ZNF416: variants seen among roughly 807,000 people sequenced by gnomAD.
ZNF416 encodes the protein zinc finger protein 416.
A neutral mutation model predicts 10.9 loss-of-function variants in ZNF416; 5 were observed. The ratio of observed to expected loss-of-function variants is 0.46; its 90% CI spans 0.24 to 0.97. The LOEUF is 0.97. ZNF416 is among the 50% of genes least tolerant of loss of function. ZNF416 has a pLI of 0.19. For missense variants in ZNF416, 675 were observed against 715.0 expected (o/e 0.94, Z 0.64); for synonymous variants, 267 against 251.8 (o/e 1.06, Z -0.57).
chr19:57,572,559 G>A lies in ZNF416; in HGVS notation c.1345C>T (p.Gln449Ter), dbSNP rs886466976. ...ECDECGKSFSQRTTLNKHHKV... is the reference protein window; with the variant it reads ...ECDECGKSFS ...TGGTGTTTATTGAGGGTGGTTCTTT[G>A]GCTAAAGGATTTTCCGCACTCATCA... The change falls in exon 4 of 4, where the codon CAA becomes TAA. Residue 449 changes from glutamine to a stop codon, truncating the protein, a stop_gained. Transcript: ENST00000196489. LOFTEE classifies it low-confidence loss of function (END_TRUNC). The surrounding 1 kb of genome is among the most constrained non-coding windows in gnomAD (Gnocchi z 4.5). The A allele has an allele frequency of 3.1e-6, 5 of 1,614,042 alleles. No individual in the cohort carries two copies. In the Admixed American group the frequency reaches 8.3e-5, roughly 27 times the overall value.
In ZNF416 at chr19:57,572,376, C is replaced by T. The variant is rs764468301; in HGVS notation, c.1528G>A (p.Val510Ile). 32 of 1,614,050 alleles carry T rather than the reference C, an allele frequency of 2.0e-5. No homozygotes were observed. In the African/African-American group the frequency reaches 2.3e-4, roughly 11 times the overall value. ...GKFFRQSYTL[V>I]EHQKIHTGLR... is the part of the protein sequence containing the mutation. ...CCAGTGTGAATTTTCTGGTGTTCAA[C>T]GAGGGTATAGCTTTGTCTAAAAAAT... Residue 510 changes from valine (V) to isoleucine (I), a missense_variant, in exon 4 of 4, where the codon GTT becomes ATT. Coordinates refer to ENST00000196489, the MANE Select transcript of ZNF416 (RefSeq NM_017879.3). The surrounding 1 kb of genome is among the most constrained non-coding windows in gnomAD (Gnocchi z 4.5).
In ZNF416 at chr19:57,572,549, G is replaced by T. The variant is rs755318810; in HGVS notation, c.1355C>A (p.Thr452Asn). 3.6e-5 allele frequency: 58 copies of T among 1,613,692 alleles called. 1 individual carries two copies. The highest frequency in any genetic ancestry group is 4.5e-5 in the Non-Finnish European group (53 of 1,179,984). The change falls in exon 4 of 4, where the codon ACC (threonine) becomes AAC (asparagine). Residue 452 changes from threonine (T) to asparagine (N), a missense_variant. Physicochemically the swap from Thr to Asn is moderately conservative, Grantham distance 65. Coordinates refer to ENST00000196489, the MANE Select transcript of ZNF416 (RefSeq NM_017879.3). This position sits in a 1 kb window ranked among gnomAD's most constrained non-coding sequence, Gnocchi z 4.5. ...GTGAACTTTGTGGTGTTTATTGAGG[G>T]TGGTTCTTTGGCTAAAGGATTTTCC... ...ECGKSFSQRT[T>N]LNKHHKVHTA...
chr19:57,571,961 C>T lies in ZNF416; in HGVS notation c.*158G>A. 1 of 884,944 alleles carries T rather than the reference C, an allele frequency of 1.1e-6. No homozygotes were observed. The allele number at this position is 884,944 out of a possible 1,614,324, so 54.8% of individuals were successfully genotyped here. ...TCCTGCAAGACACATATGCCTGGAA[C>T]TAATGGGAGTCTGACCCATCGGGAG... is the stretch of plus-strand genomic sequence containing the variant. On this transcript the variant is annotated 3_prime_UTR_variant, in exon 4 of 4. Coordinates refer to ENST00000196489, the MANE Select transcript of ZNF416 (RefSeq NM_017879.3).
In ZNF416 at chr19:57,573,086, C is replaced by T. The variant is rs1051953083; in HGVS notation, c.818G>A (p.Ser273Asn). The part of the protein sequence containing the change: ...VHPGERPYEC[S>N]ECGKSFSQTS... ...TTGGCTAAAAGATTTCCCACATTCACTGCACTCATAAGGCCTTTCTCCAGG... is the reference window on the plus strand; with the variant it reads ...TTGGCTAAAAGATTTCCCACATTCATTGCACTCATAAGGCCTTTCTCCAGG... The change falls in exon 4 of 4, where the codon AGT becomes AAT. Residue 273 changes from serine (S) to asparagine (N), a missense_variant. Coordinates refer to ENST00000196489, the MANE Select transcript of ZNF416 (RefSeq NM_017879.3). 1.9e-6 allele frequency: 3 copies of T among 1,614,178 alleles called. No homozygotes were observed. The highest frequency in any genetic ancestry group is 1.7e-6 in the Non-Finnish European group (2 of 1,180,024).
At chr19:57,574,651 C>A (rs999270022) in intron 3 of ZNF416, among the ~76,000 whole-genome samples, 18 of 152,148 alleles carry the variant, frequency 1.2e-4, no homozygotes, top group Admixed American at 4.6e-4. Context: ...GGCTGCTTGG[C>A]AGTAGTGGGC....
In ZNF416 at chr19:57,575,713, G is replaced by A. The variant is rs1414292812; in HGVS notation, c.202+91C>T. ...GCACATACGCCAAGACAGTGGGGAA[G>A]TCAGCAAAGCCCACGGTCCGGCAGA... On this transcript the variant is annotated intron_variant, in intron 3 of 3. Coordinates refer to ENST00000196489, the MANE Select transcript of ZNF416 (RefSeq NM_017879.3). This position sits in a 1 kb window ranked among gnomAD's most constrained non-coding sequence, Gnocchi z 4.4. The A allele has an allele frequency of 6.4e-7, 1 of 1,560,174 alleles. No homozygotes were observed. The highest frequency in any genetic ancestry group is 8.8e-7 in the Non-Finnish European group (1 of 1,132,002).
intron 1 of ZNF416, chr19:57,578,414 A>G (rs1002610026): frequency 1.5e-5 from 8 of 526,728 alleles, no homozygotes; most frequent in Non-Finnish European, 2.3e-5. Context: ...CTTGAAAAGA[A>G]AGAGCCTCAT....
At chr19:57,574,918 C>A (rs1209896315) in intron 3 of ZNF416, among the ~76,000 whole-genome samples, 1 of 152,164 alleles carries the variant, frequency 6.6e-6, no homozygotes, top group African/African-American at 2.4e-5. Flanking sequence ...GCACAACTCA[C>A]AACATATCGT....
In ZNF416 at chr19:57,575,709, G is replaced by A; in HGVS notation, c.202+95C>T. Reference sequence around the variant, plus strand: ...CACAGCACATACGCCAAGACAGTGGGGAAGTCAGCAAAGCCCACGGTCCGG... The same window carrying A: ...CACAGCACATACGCCAAGACAGTGGAGAAGTCAGCAAAGCCCACGGTCCGG... On this transcript the variant is annotated intron_variant, in intron 3 of 3. Coordinates refer to ENST00000196489, the MANE Select transcript of ZNF416 (RefSeq NM_017879.3). The surrounding 1 kb of genome is among the most constrained non-coding windows in gnomAD (Gnocchi z 4.4). The A allele has an allele frequency of 2.0e-6, 3 of 1,525,918 alleles. No homozygotes were observed. The highest frequency in any genetic ancestry group is 2.7e-6 in the Non-Finnish European group (3 of 1,101,002). 94.5% of individuals were successfully genotyped at this position (1,525,918 alleles called of 1,614,324 possible). A position where few individuals can be genotyped will look rare whatever the true frequency, so the allele number is the denominator to read the frequency against.
In ZNF416 at chr19:57,572,711, A is replaced by C; in HGVS notation, c.1193T>G (p.Val398Gly). The C allele has an allele frequency of 6.2e-7, 1 of 1,613,878 alleles. No homozygotes were observed. The change falls in exon 4 of 4, where the codon GTT (valine) becomes GGT (glycine). Residue 398 changes from valine to glycine, a missense_variant. Coordinates refer to ENST00000196489, the MANE Select transcript of ZNF416 (RefSeq NM_017879.3). This position sits in a 1 kb window ranked among gnomAD's most constrained non-coding sequence, Gnocchi z 4.5. ...TGTAGTGTGAATTCTCTGGTGTACA[A>C]CAAGGCTGAAGCTTTGTCTGAATAA... Reference protein sequence around the residue: ...GKLFRQSFSLVVHQRIHTTAR... With the variant: ...GKLFRQSFSLGVHQRIHTTAR...
rs909124514 is a variant in ZNF416, at chr19:57,572,949, C to G, written c.955G>C (p.Val319Leu). Residue 319 changes from valine (V) to leucine (L), a missense_variant, in exon 4 of 4, where the codon GTT becomes CTT. Val to Leu is a conservative substitution (Grantham distance 32). Coordinates refer to ENST00000196489, the MANE Select transcript of ZNF416 (RefSeq NM_017879.3). The surrounding 1 kb of genome is among the most constrained non-coding windows in gnomAD (Gnocchi z 4.5). The part of the protein sequence containing the change: ...QRATLIKHHR[V>L]HTGERPYECG... ...TCGTAAGGCCTTTCTCCAGTGTGAA[C>G]TCTGTGATGTTTAATGAGGGTGGCT... 3.1e-6 allele frequency: 5 copies of G among 1,613,646 alleles called. No individual in the cohort carries two copies. The African/African-American group carries it at 6.7e-5, about 22-fold the overall frequency.
rs113033101 is a variant in ZNF416 at position 57,578,765 on chromosome 19, G to C, written c.-61C>G. On this transcript the variant is annotated 5_prime_UTR_variant, in exon 1 of 4. Coordinates refer to ENST00000196489, the MANE Select transcript of ZNF416 (RefSeq NM_017879.3). ...CGACCCGGGGCGGGAACCCAGGCAC[G>C]GCTGCCACCAGCGCCAGCGACCCAC... 2.9e-5 allele frequency: 40 copies of C among 1,391,130 alleles called. No individual in the cohort carries two copies. Among genetic ancestry groups the C allele is most frequent in the Non-Finnish European group, 3.7e-5 (39 of 1,063,138 alleles). 86.2% of individuals were successfully genotyped at this position (1,391,130 alleles called of 1,614,324 possible). A position where few individuals can be genotyped will look rare whatever the true frequency, so the allele number is the denominator to read the frequency against.
rs758505218 is a variant in ZNF416, at chr19:57,572,709, C to A, written c.1195G>T (p.Val399Leu). The A allele has an allele frequency of 1.9e-6, 3 of 1,613,878 alleles. No homozygotes were observed. The highest frequency in any genetic ancestry group is 2.2e-5 in the East Asian group (1 of 44,870). The change falls in exon 4 of 4, where the codon GTA becomes TTA. Residue 399 changes from valine (V) to leucine (L), a missense_variant. Physicochemically the swap from Val to Leu is conservative, Grantham distance 32. Coordinates refer to ENST00000196489, the MANE Select transcript of ZNF416 (RefSeq NM_017879.3). This position sits in a 1 kb window ranked among gnomAD's most constrained non-coding sequence, Gnocchi z 4.5. The part of the protein sequence containing the change: ...KLFRQSFSLV[V>L]HQRIHTTARP... ...GCTGTAGTGTGAATTCTCTGGTGTA[C>A]AACAAGGCTGAAGCTTTGTCTGAAT...
Position 57,571,977 on chromosome 19 carries a change from C to A in ZNF416, c.*142G>T. The A allele has an allele frequency of 9.4e-7, 1 of 1,064,916 alleles. No individual in the cohort carries two copies. The highest frequency in any genetic ancestry group is 2.3e-5 in the Admixed American group (1 of 42,988). The allele number at this position is 1,064,916 out of a possible 1,614,324, so 66.0% of individuals were successfully genotyped here. ...TGCCTGGAACTAATGGGAGTCTGAC[C>A]CATCGGGAGGTCTAGAAGTATGAGG... On this transcript the variant is annotated 3_prime_UTR_variant, in exon 4 of 4. Coordinates refer to ENST00000196489, the MANE Select transcript of ZNF416 (RefSeq NM_017879.3).
chr19:57,578,225 C>A, intron 1 of ZNF416, 127 bp from the exon 2 acceptor site: 1 of 910,580 alleles, frequency 1.1e-6, no homozygotes, highest in Non-Finnish European at 1.8e-6. Flanking sequence ...ATTATTGCTC[C>A]TCAGTTCCGT....
rs748472325 is a variant in ZNF416 at position 57,573,144 on chromosome 19, C to CAG, written c.759_760insCT (p.Glu254LeufsTer33). 6.2e-7 allele frequency: 1 copy of CAG among 1,614,202 alleles called. No homozygotes were observed. Among genetic ancestry groups the CAG allele is most frequent in the South Asian group, 1.1e-5 (1 of 91,086 alleles). ...CTTTGCAGCTGAACAAGGGAGCACT[C>CAG]ACAGCAGCAGGCTTTCCCACATTTG... On this transcript the variant is annotated frameshift_variant, in exon 4 of 4. Transcript: ENST00000196489. LOFTEE classifies it low-confidence loss of function (END_TRUNC).
chr19:57,572,762 G>A lies in ZNF416; in HGVS notation c.1142C>T (p.Pro381Leu). The A allele has an allele frequency of 1.9e-6, 3 of 1,614,106 alleles. 1 individual carries two copies. The highest frequency in any genetic ancestry group is 3.3e-4 in the Middle Eastern group (2 of 6,062). ...TTTCCCACATTCACCACACTCATAT[G>A]GCTTTTCTCCTGTGTGAGTTCTCTG... ...RHQRTHTGEK[P>L]YECGECGKLF... Residue 381 changes from proline to leucine, a missense_variant, in exon 4 of 4, where the codon CCA (proline) becomes CTA (leucine). Transcript: ENST00000196489. The surrounding 1 kb of genome is among the most constrained non-coding windows in gnomAD (Gnocchi z 4.5).
At position 57,578,761 on chromosome 19, in the gene ZNF416, G is replaced by C; in HGVS notation, c.-57C>G. On this transcript the variant is annotated 5_prime_UTR_variant, in exon 1 of 4. Transcript: ENST00000196489. ...CGGGCGACCCGGGGCGGGAACCCAG[G>C]CACGGCTGCCACCAGCGCCAGCGAC... 1 of 1,406,330 alleles carries C rather than the reference G, an allele frequency of 7.1e-7. No individual in the cohort carries two copies. Among genetic ancestry groups the C allele is most frequent in the Non-Finnish European group, 9.3e-7 (1 of 1,071,512 alleles). The allele number at this position is 1,406,330 out of a possible 1,614,324, so 87.1% of individuals were successfully genotyped here.
chr19:57,573,388 G>A lies in ZNF416; in HGVS notation c.516C>T (p.Thr172=), dbSNP rs1978393303. 3.1e-6 allele frequency: 5 copies of A among 1,614,214 alleles called. No homozygotes were observed. The highest frequency in any genetic ancestry group is 4.2e-6 in the Non-Finnish European group (5 of 1,180,048). The part of the protein sequence containing the change: ...CLFHESGMPF[T]SSEVGKDFLA... ...GGAAGTCCTTCCCAACCTCACTGCT[G>A]GTGAAAGGCATTCCTGACTCATGGA... The change falls in exon 4 of 4, where the codon ACC becomes ACT. Residue 172 remains threonine, a synonymous_variant. Transcript: ENST00000196489.
Sources: gnomAD v4.1 joint callset for allele counts (sites outside exome capture counted in the v4.1 genomes callset) on GRCh38, gnomAD v4.1.1 for gene constraint, Gnocchi (gnomAD v3.1) non-coding constraint, MANE v1.5 for transcripts, NCBI Gene and HGNC (gene_info 2026-07-23, HGNC 2026-07-21) for gene names.